PCDH15: variants seen among roughly 807,000 people sequenced by gnomAD.
The protein encoded by PCDH15 is protocadherin related 15.
Under a neutral mutation model 178.5 loss-of-function variants are expected in PCDH15, and 129 were observed. The ratio of observed to expected loss-of-function variants is 0.72; its 90% CI spans 0.63 to 0.84. The LOEUF (loss-of-function observed/expected upper bound fraction) is 0.84, where lower values mean the gene tolerates loss of function less well. Ranked by LOEUF, PCDH15 falls within the 40% of genes least tolerant of loss-of-function variation. PCDH15 has a pLI of 0.00. For synonymous variants in PCDH15, 800 were observed against 732.0 expected (o/e 1.09, Z -1.50); for missense variants, 2,230 against 2,099.9 (o/e 1.06, Z -1.21).
chr10:53,974,160 G>C (rs2089996747), intron 21 of PCDH15, among the ~76,000 whole-genome samples: 1 of 152,028 alleles, frequency 6.6e-6, no homozygotes, highest in African/African-American at 2.4e-5. Flanking sequence ...TGCGATTACA[G>C]GGACGCTCCA....
rs546969898 is a variant in PCDH15 at position 53,915,803 on chromosome 10, C to T, written c.3374-12433G>A. Among the ~76,000 whole-genome samples the T allele has an allele frequency of 3.3e-5, 5 of 152,178 alleles. No homozygotes were observed. In the East Asian group the frequency reaches 9.7e-4, roughly 29 times the overall value. The stretch of plus-strand genomic sequence containing the variant: ...TCAAACTCCTGACCTTGTGATCTGT[C>T]GCTTCAGCCTCCCAAAGTGCTGGGA... On this transcript the variant is annotated intron_variant, in intron 25 of 37. Coordinates refer to ENST00000644397, the MANE Select transcript of PCDH15 (RefSeq NM_001384140.1).
intron 8 of PCDH15, among the ~76,000 whole-genome samples, chr10:54,244,559 C>T (rs2055729762): frequency 6.6e-6 from 1 of 152,218 alleles, no homozygotes; most frequent in Non-Finnish European, 1.5e-5. Context: ...TTGGCTTTGA[C>T]TATCAAAAAT....
chr10:55,280,329 G>C (rs1470375842), intron 1 of PCDH15, among the ~76,000 whole-genome samples: 1 of 140,716 alleles, frequency 7.1e-6, no homozygotes, highest in Non-Finnish European at 1.5e-5. Context: ...CCAGGCTGGA[G>C]TGCAAGTAGT....
At chr10:54,209,813 C>G (rs1204507764) in intron 10 of PCDH15, among the ~76,000 whole-genome samples, 1 of 151,992 alleles carries the variant, frequency 6.6e-6, no homozygotes, top group Non-Finnish European at 1.5e-5. Context: ...AGGGTGTTCT[C>G]TTAAATTTCT....
intron 2 of PCDH15, among the ~76,000 whole-genome samples, chr10:55,354,527 A>T (rs550982860): frequency 2.0e-5 from 3 of 152,204 alleles, no homozygotes; most frequent in African/African-American, 7.2e-5. Flanking sequence ...CAACACTACC[A>T]GGTAGATTTC....
At chr10:53,838,461 T>C (rs1037237423) in intron 29 of PCDH15, among the ~76,000 whole-genome samples, 1 of 152,142 alleles carries the variant, frequency 6.6e-6, no homozygotes, top group Admixed American at 6.5e-5. Flanking sequence ...GTGGCTTTTT[T>C]TTCCCCAAAT....
At chr10:54,582,832 A>G (rs2091157412) in intron 2 of PCDH15, among the ~76,000 whole-genome samples, 1 of 152,148 alleles carries the variant, frequency 6.6e-6, no homozygotes, top group Non-Finnish European at 1.5e-5. Flanking sequence ...TCAAGGTTAC[A>G]GTAAGCTATG....
chr10:54,542,478 C>CTG (rs1381253205), intron 2 of PCDH15, among the ~76,000 whole-genome samples: 1 of 152,100 alleles, frequency 6.6e-6, no homozygotes, highest in East Asian at 1.9e-4. Flanking sequence ...TGAGTAGGGA[C>CTG]TGTGGCTGAG....
chr10:54,185,454 C>A (rs1191807207), intron 11 of PCDH15, among the ~76,000 whole-genome samples, 186 bp from the exon 12 acceptor site: 2 of 151,822 alleles, frequency 1.3e-5, no homozygotes, highest in Non-Finnish European at 2.9e-5. Flanking sequence ...AGATGGTGAC[C>A]TATATCGTGG....
At chr10:55,520,338 ATATAT>A in intron 2 of PCDH15, among the ~76,000 whole-genome samples, 1 of 141,076 alleles carries the variant, frequency 7.1e-6, no homozygotes, top group African/African-American at 2.6e-5. Context: ...ATATATATAT[ATATAT>A]ATATATACAC....
At chr10:54,378,995 T>C (rs547768114) in intron 3 of PCDH15, 53 bp from the exon 4 acceptor site, 5 of 1,600,504 alleles carry the variant, frequency 3.1e-6, no homozygotes, top group African/African-American at 1.3e-5. Context: ...ATGAATTCTT[T>C]AGCAAAGATC....
chr10:55,195,651 T>C (rs1445057302), intron 1 of PCDH15, among the ~76,000 whole-genome samples: 9 of 87,626 alleles, frequency 1.0e-4, no homozygotes, highest in African/African-American at 4.1e-4. Flanking sequence ...GGAAACTCCA[T>C]CTAAAAAAAA....
chr10:54,419,654 A>G (rs1954968664), intron 3 of PCDH15, among the ~76,000 whole-genome samples: 1 of 152,166 alleles, frequency 6.6e-6, no homozygotes, highest in South Asian at 2.1e-4. Flanking sequence ...CAAATACAAT[A>G]GAAGTGTGCT....
At chr10:54,571,196 C>T (rs947725419) in intron 2 of PCDH15, among the ~76,000 whole-genome samples, 2 of 151,906 alleles carry the variant, frequency 1.3e-5, no homozygotes, top group African/African-American at 4.8e-5. Flanking sequence ...AAACTACTGG[C>T]AAGACAGGAG....
intron 26 of PCDH15, among the ~76,000 whole-genome samples, chr10:53,876,291 G>A (rs1349713306): frequency 6.6e-6 from 1 of 150,822 alleles, no homozygotes; most frequent in Non-Finnish European, 1.5e-5. Context: ...GGGTTCAAGC[G>A]ATTCCCCTGC....
chr10:55,547,908 TGTGA>T (rs1841920504), intron 2 of PCDH15, among the ~76,000 whole-genome samples: 1 of 35,284 alleles, frequency 2.8e-5, no homozygotes, highest in Non-Finnish European at 5.2e-5. Context: ...TGTGTGTGTG[TGTGA>T]GAGAGAGAGA....
chr10:53,931,187 C>A (rs1448668315), intron 25 of PCDH15, among the ~76,000 whole-genome samples: 3 of 152,174 alleles, frequency 2.0e-5, no homozygotes, highest in African/African-American at 7.2e-5. Context: ...AGCTCCTAAG[C>A]ACATTCCCAT....
At chr10:54,131,640 A>T (rs2042444881) in intron 15 of PCDH15, among the ~76,000 whole-genome samples, 1 of 152,186 alleles carries the variant, frequency 6.6e-6, no homozygotes, top group African/African-American at 2.4e-5. Context: ...ACCTGGAGAA[A>T]AGCAACAGAA....
chr10:54,422,176 A>G (rs887915763), intron 3 of PCDH15, among the ~76,000 whole-genome samples: 1 of 151,736 alleles, frequency 6.6e-6, no homozygotes, highest in Non-Finnish European at 1.5e-5. Flanking sequence ...AAGTCAAGGG[A>G]AATAATAAGC....
Sources: gnomAD v4.1 joint callset for allele counts (sites outside exome capture counted in the v4.1 genomes callset) on GRCh38, gnomAD v4.1.1 for gene constraint, MANE v1.5 for transcripts, NCBI Gene and HGNC (gene_info 2026-07-23, HGNC 2026-07-21) for gene names.